APBA2: variants seen among roughly 807,000 people sequenced by gnomAD.
APBA2 encodes amyloid beta precursor protein binding family A member 2.
In APBA2, 30 loss-of-function variants were observed where a neutral mutation model predicts 75.0. The observed-to-expected ratio is 0.40, with a 90% confidence interval of 0.30 to 0.54. APBA2 has a LOEUF of 0.54. APBA2 is among the 20% of genes least tolerant of loss of function. APBA2 has a pLI of 0.49. For synonymous variants in APBA2, 444 were observed against 409.6 expected (o/e 1.08, Z -1.01); for missense variants, 801 against 1,016.1 (o/e 0.79, Z 2.88).
intron 13 of APBA2, 89 bp from the exon 14 acceptor site, chr15:29,113,787 C>T: frequency 6.4e-7 from 1 of 1,556,014 alleles, no homozygotes; most frequent in Middle Eastern, 1.8e-4. Context: ...TGGCGCTTTT[C>T]CCTCTGCATG....
intron 10 of APBA2, 61 bp downstream of exon 10, chr15:29,101,845 G>A: frequency 6.4e-7 from 1 of 1,561,210 alleles, no homozygotes; most frequent in Non-Finnish European, 8.7e-7. Context: ...GCGGCTCCAG[G>A]ATCCAGGCGC....
intron 3 of APBA2, among the ~76,000 whole-genome samples, chr15:29,020,757 C>G (rs1427077746): frequency 6.6e-6 from 1 of 152,128 alleles, no homozygotes; most frequent in Non-Finnish European, 1.5e-5. Flanking sequence ...TTGCAATGAG[C>G]TGAGATCATG....
chr15:29,039,733 G>A (rs994642851), intron 3 of APBA2, among the ~76,000 whole-genome samples: 3 of 152,076 alleles, frequency 2.0e-5, no homozygotes, highest in African/African-American at 7.2e-5. Context: ...CTGATTAATC[G>A]AATGAAGTAA....
intron 14 of APBA2, among the ~76,000 whole-genome samples, chr15:29,114,353 TC>T (rs2044925973): frequency 6.6e-6 from 1 of 152,132 alleles, no homozygotes; most frequent in African/African-American, 2.4e-5. Flanking sequence ...TTGCTGGCCA[TC>T]CCCTCCCACA....
intron 6 of APBA2, among the ~76,000 whole-genome samples, chr15:29,080,337 G>C (rs528981632): frequency 2.0e-5 from 3 of 152,148 alleles, no homozygotes; most frequent in Non-Finnish European, 2.9e-5. Context: ...CGACCCTCAC[G>C]CAGTGGGTGA....
At position 28,886,133 on chromosome 15, in the gene APBA2, C is replaced by T. The variant is rs1345473981; in HGVS notation, c.-350C>T. The T allele has an allele frequency of 6.7e-6, 1 of 150,340 alleles. No homozygotes were observed. The highest frequency in any genetic ancestry group is 1.5e-5 in the Non-Finnish European group (1 of 67,428). 9.3% of individuals were successfully genotyped at this position (150,340 alleles called of 1,614,324 possible). On this transcript the variant is annotated 5_prime_UTR_variant, in exon 1 of 15. Coordinates refer to ENST00000683413, the MANE Select transcript of APBA2 (RefSeq NM_001353788.2). ...CGTCCGGGGCGCGCCCGCCGCTATT[C>T]GGGAAGCTATTCAGCTTCCCGGGCT...
At chr15:28,969,400 G>A (rs1282530126) in intron 2 of APBA2, among the ~76,000 whole-genome samples, 3 of 151,880 alleles carry the variant, frequency 2.0e-5, no homozygotes, top group Admixed American at 6.6e-5. Context: ...GGCTGGTCTC[G>A]AACTCCTGAC....
At chr15:28,917,669 GGAGCC>G (rs929429773) in intron 1 of APBA2, among the ~76,000 whole-genome samples, 5 of 152,074 alleles carry the variant, frequency 3.3e-5, no homozygotes, top group African/African-American at 1.2e-4. Flanking sequence ...ATTATTAACT[GGAGCC>G]CATAGTTAAA....
chr15:29,078,950 G>T (rs1330825308), intron 6 of APBA2, among the ~76,000 whole-genome samples: 1 of 152,220 alleles, frequency 6.6e-6, no homozygotes, highest in Non-Finnish European at 1.5e-5. Flanking sequence ...TGGGTAACCT[G>T]AAAGGCAGCG....
At chr15:29,048,007 A>AT (rs988361143) in intron 3 of APBA2, among the ~76,000 whole-genome samples, 27 of 152,260 alleles carry the variant, frequency 1.8e-4, no homozygotes, top group African/African-American at 5.3e-4. Context: ...AAATAGGAAG[A>AT]TTTTTTTGGG....
chr15:29,065,819 C>T (rs2042356438), intron 4 of APBA2, among the ~76,000 whole-genome samples: 1 of 152,228 alleles, frequency 6.6e-6, no homozygotes. Context: ...CCATCTGGTC[C>T]TGGTCCTTTT....
chr15:28,996,963 A>G (rs1184190896), intron 3 of APBA2, among the ~76,000 whole-genome samples: 1 of 152,234 alleles, frequency 6.6e-6, no homozygotes, highest in Non-Finnish European at 1.5e-5. Flanking sequence ...CAGGTTCAGA[A>G]TCACAGTTTT....
intron 3 of APBA2, among the ~76,000 whole-genome samples, chr15:29,035,008 C>T (rs181707104): frequency 3.3e-5 from 5 of 152,350 alleles, no homozygotes; most frequent in East Asian, 1.9e-4. Flanking sequence ...CACAGGCTCC[C>T]GGGGAGGTCC....
chr15:29,101,365 G>C (rs61115249), intron 9 of APBA2, among the ~76,000 whole-genome samples: 3,043 of 152,160 alleles, frequency 0.02, 120 homozygotes, highest in African/African-American at 0.07. Flanking sequence ...GAGTATCTGG[G>C]ATTACAGGCA....
intron 4 of APBA2, among the ~76,000 whole-genome samples, chr15:29,065,024 T>TGTGTGC (rs1436602601): frequency 6.6e-6 from 1 of 152,056 alleles, no homozygotes; most frequent in African/African-American, 2.4e-5. Context: ...TGTGTGTGTG[T>TGTGTGC]GTGCACGCAC....
intron 2 of APBA2, among the ~76,000 whole-genome samples, chr15:28,947,066 G>C (rs2035589294): frequency 6.6e-6 from 1 of 152,240 alleles, no homozygotes; most frequent in African/African-American, 2.4e-5. Context: ...TTTTGCTCAA[G>C]TCCTATGTCA....
chr15:29,048,295 C>T (rs2041438076), intron 3 of APBA2, among the ~76,000 whole-genome samples: 1 of 152,138 alleles, frequency 6.6e-6, no homozygotes, highest in Non-Finnish European at 1.5e-5. Context: ...CTGCCGTGAG[C>T]TGGGATCGTG....
intron 6 of APBA2, among the ~76,000 whole-genome samples, chr15:29,080,327 C>T (rs918487416): frequency 5.3e-5 from 8 of 152,166 alleles, no homozygotes; most frequent in Non-Finnish European, 1.0e-4. Context: ...CACTGCCTGG[C>T]GACCCTCACG....
intron 3 of APBA2, among the ~76,000 whole-genome samples, chr15:29,034,852 C>A (rs1042802952): frequency 3.3e-5 from 5 of 152,210 alleles, no homozygotes; most frequent in African/African-American, 1.2e-4. Flanking sequence ...CCAGGTGACA[C>A]TGATGCTGCT....
Sources: gnomAD v4.1 joint callset for allele counts (sites outside exome capture counted in the v4.1 genomes callset) on GRCh38, gnomAD v4.1.1 for gene constraint, MANE v1.5 for transcripts, NCBI Gene and HGNC (gene_info 2026-07-23, HGNC 2026-07-21) for gene names.